WDR72: variants seen among roughly 807,000 people sequenced by gnomAD.
WDR72 encodes the protein WD repeat domain 72.
WDR72 carries 120 observed loss-of-function variants against 124.2 expected under a neutral mutation model. The observed-to-expected ratio is 0.97, with a 90% CI of 0.83 to 1.12. The LOEUF (loss-of-function observed/expected upper bound fraction) is 1.12. Among genes scored for constraint, WDR72 ranks in the 50% most tolerant of loss-of-function variants. The pLI, the probability that WDR72 is intolerant of heterozygous loss-of-function variation, is 0.00. For missense variants in WDR72, 1,387 were observed against 1,278.8 expected, an observed-to-expected ratio of 1.08 and a Z score of -1.29; for synonymous variants, 452 against 441.7, an observed-to-expected ratio of 1.02 and a Z score of -0.29.
chr15:53,609,993 C>T (rs920739074), intron 16 of WDR72, among the ~76,000 whole-genome samples: 2 of 152,050 alleles, frequency 1.3e-5, no homozygotes, highest in African/African-American at 4.8e-5. Context: ...CTTACAATTC[C>T]TTCCTTATAC....
Position 53,618,258 on chromosome 15 carries a change from C to G in WDR72, c.1963-2015G>C, listed in dbSNP as rs16966323. Among the ~76,000 whole-genome samples the G allele has an allele frequency of 5.9e-5, 9 of 151,882 alleles. No homozygotes were observed. The South Asian group carries it at 1.7e-3, about 28-fold the overall frequency. ...TAAATATGTATTCCTATTTGACCTA[C>G]TTAATTTTGCATGTTTTTGCATGTT... On this transcript the variant is annotated intron_variant, in intron 14 of 19. Transcript: ENST00000360509.
chr15:53,699,616 G>A (rs1009683698), intron 13 of WDR72, 134 bp downstream of exon 13: 107 of 897,806 alleles, frequency 1.2e-4, no homozygotes, highest in Non-Finnish European at 1.8e-4. Flanking sequence ...TTTAACTGAA[G>A]CCATTAAATG....
intron 1 of WDR72, among the ~76,000 whole-genome samples, chr15:53,749,161 C>T (rs2018713968): frequency 6.6e-6 from 1 of 152,156 alleles, no homozygotes; most frequent in Admixed American, 6.6e-5. Context: ...TTGTACTTCT[C>T]AGATAATTGT....
intron 14 of WDR72, among the ~76,000 whole-genome samples, chr15:53,648,620 G>A (rs1213687052): frequency 6.6e-6 from 1 of 152,082 alleles, no homozygotes; most frequent in African/African-American, 2.4e-5. Context: ...TGATTTGTAT[G>A]TGTATTCACA....
At chr15:53,566,344 C>A (rs1894294200) in intron 18 of WDR72, among the ~76,000 whole-genome samples, 1 of 151,954 alleles carries the variant, frequency 6.6e-6, no homozygotes, top group Non-Finnish European at 1.5e-5. Flanking sequence ...GAAGTTGATA[C>A]ATTTGAGATT....
intron 14 of WDR72, among the ~76,000 whole-genome samples, chr15:53,621,458 T>TATA (rs397944441): frequency 1.4e-5 from 2 of 144,992 alleles, no homozygotes; most frequent in African/African-American, 5.2e-5. Flanking sequence ...TATATATATA[T>TATA]GATAGAGTAC....
At chr15:53,566,628 A>T (rs569470367) in intron 18 of WDR72, among the ~76,000 whole-genome samples, 6 of 152,004 alleles carry the variant, frequency 3.9e-5, no homozygotes, top group Admixed American at 3.9e-4. Context: ...TCATCTACGG[A>T]GCAACATTTA....
At chr15:53,628,841 A>G (rs2014309804) in intron 14 of WDR72, among the ~76,000 whole-genome samples, 1 of 152,112 alleles carries the variant, frequency 6.6e-6, no homozygotes, top group Non-Finnish European at 1.5e-5. Flanking sequence ...TAAAATGTTT[A>G]GCTAAGCTCA....
At chr15:53,521,231 C>T (rs1891776263) in intron 19 of WDR72, among the ~76,000 whole-genome samples, 1 of 152,128 alleles carries the variant, frequency 6.6e-6, no homozygotes, top group Non-Finnish European at 1.5e-5. Flanking sequence ...TTATTTCCAA[C>T]CCACAAGCCC....
intron 14 of WDR72, among the ~76,000 whole-genome samples, chr15:53,655,143 A>C (rs2015372126): frequency 6.7e-6 from 1 of 148,588 alleles, no homozygotes; most frequent in Non-Finnish European, 1.5e-5. Context: ...AGGCAGGAGA[A>C]TCGCTGGAAC....
chr15:53,650,227 C>G (rs1424550176), intron 14 of WDR72, among the ~76,000 whole-genome samples: 2 of 152,112 alleles, frequency 1.3e-5, no homozygotes, highest in African/African-American at 4.8e-5. Flanking sequence ...TATGCAATAT[C>G]TGAAATAGTC....
At chr15:53,685,310 T>G (rs1456116214) in intron 13 of WDR72, among the ~76,000 whole-genome samples, 3 of 133,486 alleles carry the variant, frequency 2.2e-5, no homozygotes, top group African/African-American at 5.8e-5. Flanking sequence ...TTGAAAACTT[T>G]GAAAAAAATT....
intron 14 of WDR72, among the ~76,000 whole-genome samples, chr15:53,635,166 G>A (rs1156712841): frequency 6.6e-6 from 1 of 152,206 alleles, no homozygotes; most frequent in Non-Finnish European, 1.5e-5. Flanking sequence ...ACCTAGGGTA[G>A]AACAGTAAGT....
intron 18 of WDR72, among the ~76,000 whole-genome samples, chr15:53,585,987 G>A (rs565312985): frequency 1.3e-5 from 2 of 152,122 alleles, no homozygotes; most frequent in Non-Finnish European, 2.9e-5. Context: ...TCATTCCCAG[G>A]CAGTTGGTGG....
chr15:53,728,432 CCAGACAAAAACACAATCA>C (rs2018105661), intron 2 of WDR72, among the ~76,000 whole-genome samples: 1 of 152,118 alleles, frequency 6.6e-6, no homozygotes, highest in Non-Finnish European at 1.5e-5. Flanking sequence ...CTACCGTATT[CCAGACAAAAACACAATCA>C]CAGAGTAGTG....
At chr15:53,670,881 TGCCTGACACCTAG>T (rs2015961793) in intron 13 of WDR72, among the ~76,000 whole-genome samples, 2 of 152,172 alleles carry the variant, frequency 1.3e-5, no homozygotes, top group Admixed American at 1.3e-4. Flanking sequence ...CACTAGAGTC[TGCCTGACACCTAG>T]GCCTGAGGTC....
chr15:53,586,432 A>G (rs1263149254), intron 18 of WDR72, among the ~76,000 whole-genome samples: 1 of 152,098 alleles, frequency 6.6e-6, no homozygotes, highest in Non-Finnish European at 1.5e-5. Context: ...AGTAGATTAC[A>G]TGAACCTATC....
At chr15:53,662,816 G>C (rs1156912355) in intron 14 of WDR72, among the ~76,000 whole-genome samples, 3 of 152,058 alleles carry the variant, frequency 2.0e-5, no homozygotes, top group Non-Finnish European at 4.4e-5. Context: ...TCTCACACCA[G>C]AGACTCAGGA....
intron 18 of WDR72, among the ~76,000 whole-genome samples, chr15:53,580,098 T>C (rs1437247451): frequency 1.3e-5 from 2 of 152,174 alleles, no homozygotes; most frequent in East Asian, 3.9e-4. Context: ...GGAGTACTTA[T>C]TGCAACATTT....
Sources: gnomAD v4.1 joint callset for allele counts (sites outside exome capture counted in the v4.1 genomes callset) on GRCh38, gnomAD v4.1.1 for gene constraint, MANE v1.5 for transcripts, NCBI Gene and HGNC (gene_info 2026-07-23, HGNC 2026-07-21) for gene names.